Variants in PFKFB3 observed in about 807,000 individuals in gnomAD.
PFKFB3 encodes 6-phosphofructo-2-kinase/fructose-2,6-biphosphatase 3, also known as 6-phosphofructo-2-kinase/fructose-2,6-bisphosphatase 3.
In PFKFB3, 33 loss-of-function variants were observed where a neutral mutation model predicts 68.0. The ratio of observed to expected loss-of-function variants is 0.49; its 90% confidence interval spans 0.37 to 0.65. PFKFB3 has a LOEUF of 0.65. Among genes scored for constraint, PFKFB3 ranks in the 30% least tolerant of loss-of-function variants. PFKFB3 has a pLI of 0.00. For synonymous variants in PFKFB3, 315 were observed against 288.2 expected, an observed-to-expected ratio of 1.09 and a Z score of -0.94; for missense variants, 586 against 712.2, an observed-to-expected ratio of 0.82 and a Z score of 2.02.
intron 1 of PFKFB3, among the ~76,000 whole-genome samples, chr10:6,210,999 T>C (rs12770641): frequency 0.063 from 5,754 of 90,724 alleles, 1,842 homozygotes; most frequent in South Asian, 0.086. Context: ...TGAGCCACCG[T>C]GCCCGGTGCG....
intron 1 of PFKFB3, among the ~76,000 whole-genome samples, chr10:6,213,245 C>T (rs770319660): frequency 3.9e-5 from 6 of 152,078 alleles, no homozygotes; most frequent in Admixed American, 1.3e-4. Flanking sequence ...ATGAAAATTT[C>T]GATGAATGCT....
chr10:6,159,475 G>A (rs973539334), intron 1 of PFKFB3, among the ~76,000 whole-genome samples: 6 of 151,738 alleles, frequency 4.0e-5, no homozygotes, highest in African/African-American at 1.5e-4. Flanking sequence ...GAGGCGGGGG[G>A]ATCACCTGAG....
intron 1 of PFKFB3, among the ~76,000 whole-genome samples, chr10:6,165,194 A>T (rs1588405737): frequency 6.6e-6 from 1 of 152,162 alleles, no homozygotes; most frequent in Non-Finnish European, 1.5e-5. Flanking sequence ...TGGTTAATCG[A>T]GAATGGAGAA....
the PFKFB3 span, among the ~76,000 whole-genome samples, chr10:6,323,763 A>G: frequency 6.6e-6 from 1 of 152,200 alleles, no homozygotes; most frequent in Non-Finnish European, 1.5e-5. Context: ...AAGAGCATGT[A>G]TTGGCCGAGA....
the PFKFB3 span, among the ~76,000 whole-genome samples, chr10:6,321,105 A>G: frequency 6.6e-6 from 1 of 152,222 alleles, no homozygotes; most frequent in Non-Finnish European, 1.5e-5. Flanking sequence ...ACCTTTATCC[A>G]TCTTCTCAAA....
chr10:6,178,763 A>G (rs1028400483), intron 1 of PFKFB3, among the ~76,000 whole-genome samples: 2 of 152,000 alleles, frequency 1.3e-5, no homozygotes, highest in African/African-American at 2.4e-5. Context: ...ACTGGGGGGG[A>G]TTTGAAGGCA....
intron 1 of PFKFB3, among the ~76,000 whole-genome samples, chr10:6,188,949 C>T (rs1438112413): frequency 1.3e-5 from 2 of 151,788 alleles, no homozygotes; most frequent in Non-Finnish European, 2.9e-5. Flanking sequence ...ATTCTCCTGC[C>T]TCAGCCTCCC....
intron 1 of PFKFB3, among the ~76,000 whole-genome samples, chr10:6,193,256 T>G (rs1036540396): frequency 6.6e-6 from 1 of 152,020 alleles, no homozygotes; most frequent in Non-Finnish European, 1.5e-5. Context: ...GAGGCTGAAG[T>G]GGGAGGACAG....
chr10:6,297,362 C>T, the PFKFB3 span, among the ~76,000 whole-genome samples: 1 of 152,202 alleles, frequency 6.6e-6, no homozygotes, highest in Non-Finnish European at 1.5e-5. Context: ...GATGCTTGAA[C>T]CCTAGGGAGA....
chr10:6,236,125 G>C (rs147938819), downstream of PFKFB3, among the ~76,000 whole-genome samples: 1 of 152,208 alleles, frequency 6.6e-6, no homozygotes, highest in African/African-American at 2.4e-5. Context: ...TTAAACACCA[G>C]TTCTTGCCTC....
intron 1 of PFKFB3, among the ~76,000 whole-genome samples, chr10:6,171,310 C>G (rs1489185187): frequency 6.6e-6 from 1 of 152,194 alleles, no homozygotes; most frequent in East Asian, 1.9e-4. Flanking sequence ...CCGCCTCAGC[C>G]TCCCAAAGTG....
chr10:6,223,138 C>T (rs563494220), intron 11 of PFKFB3, among the ~76,000 whole-genome samples, 154 bp downstream of exon 11: 27 of 152,206 alleles, frequency 1.8e-4, no homozygotes, highest in Non-Finnish European at 3.2e-4. Context: ...CCGGCTGCTT[C>T]AGGTCCTCTC....
chr10:6,247,853 C>A (rs1465344012), intron 14 of PFKFB3, among the ~76,000 whole-genome samples: 1 of 152,236 alleles, frequency 6.6e-6, no homozygotes, highest in Non-Finnish European at 1.5e-5. Context: ...AGTCTTAGAG[C>A]ATCCCATGAA....
intron 1 of PFKFB3, among the ~76,000 whole-genome samples, chr10:6,145,988 G>A (rs1278065067): frequency 6.6e-6 from 1 of 152,230 alleles, no homozygotes; most frequent in Non-Finnish European, 1.5e-5. Flanking sequence ...GGGGAGGGGG[G>A]CCTCGATTTG....
chr10:6,296,853 G>A, the PFKFB3 span, among the ~76,000 whole-genome samples: 1 of 152,184 alleles, frequency 6.6e-6, no homozygotes, highest in East Asian at 1.9e-4. Context: ...TTCATGACCT[G>A]TATCTTGTGC....
intron 14 of PFKFB3, among the ~76,000 whole-genome samples, chr10:6,249,713 A>G (rs7911366): frequency 0.2 from 31,047 of 152,004 alleles, 3,510 homozygotes; most frequent in East Asian, 0.3. Flanking sequence ...GCTGATGGTC[A>G]AAGGGTACAA....
At position 6,234,235 on chromosome 10, in the gene PFKFB3, A is replaced by G. The variant is rs1182381957; in HGVS notation, c.*1293A>G. 6.6e-6 allele frequency: 1 copy of G among 152,268 alleles called. No individual in the cohort carries two copies. The highest frequency in any genetic ancestry group is 1.5e-5 in the Non-Finnish European group (1 of 68,046). The allele number at this position is 152,268 out of a possible 1,614,324, so 9.4% of individuals were successfully genotyped here. ...GTTTGTCCAAATGACCCTTTTCAGG[A>G]TGTCTCAAAGCTTGTGCCAAAGGTC... On this transcript the variant is annotated 3_prime_UTR_variant, in exon 15 of 15. Transcript: ENST00000379775.
chr10:6,245,691 A>G (rs57732349), intron 14 of PFKFB3: 1 of 152,068 alleles, frequency 6.6e-6, no homozygotes, highest in Non-Finnish European at 1.5e-5. Context: ...CGGCCTCCCA[A>G]AATGCTGGGA....
At chr10:6,247,139 C>CT (rs1846279815) in intron 14 of PFKFB3, among the ~76,000 whole-genome samples, 1 of 152,172 alleles carries the variant, frequency 6.6e-6, no homozygotes, top group East Asian at 1.9e-4. Context: ...CTCGGCTTGG[C>CT]TACCAGGGAT....
Sources: allele counts gnomAD v4.1 joint callset (sites outside exome capture counted in the v4.1 genomes callset), GRCh38; gene constraint gnomAD v4.1.1; transcripts MANE v1.5; gene names NCBI Gene and HGNC (gene_info 2026-07-23, HGNC 2026-07-21).